NPHP4: variants seen among roughly 807,000 people sequenced by gnomAD.
NPHP4 encodes nephrocystin-4.
NPHP4 carries 151 observed loss-of-function variants against 155.8 expected under a neutral mutation model. The ratio of observed to expected loss-of-function variants is 0.97; its 90% confidence interval spans 0.85 to 1.11. The LOEUF is 1.11. Among genes scored for constraint, NPHP4 ranks in the 50% least tolerant of loss-of-function variants. NPHP4 has a pLI of 0.00. For missense variants in NPHP4, 1,956 were observed against 1,925.7 expected (o/e 1.02, Z -0.29); for synonymous variants, 845 against 816.8 (o/e 1.03, Z -0.59).
intron 2 of NPHP4, among the ~76,000 whole-genome samples, chr1:5,981,425 A>C (rs777094674): frequency 6.6e-6 from 1 of 152,218 alleles, no homozygotes; most frequent in Non-Finnish European, 1.5e-5. Context: ...AGCTGAACTG[A>C]AATACTCATC....
chr1:5,907,321 C>G (rs1371198025), intron 12 of NPHP4, 99 bp from the exon 13 acceptor site: 1 of 697,796 alleles, frequency 1.4e-6, no homozygotes, highest in Non-Finnish European at 2.3e-6. Context: ...CGGGGTAGCC[C>G]TGGATCCAGC....
chr1:5,879,042 T>C (rs761917478), intron 19 of NPHP4, among the ~76,000 whole-genome samples: 4 of 152,228 alleles, frequency 2.6e-5, no homozygotes, highest in Non-Finnish European at 5.9e-5. Context: ...GCCTGGATCA[T>C]GAATCCCTTT....
chr1:5,881,468 C>G (rs1278333704), intron 18 of NPHP4: 1 of 152,234 alleles, frequency 6.6e-6, no homozygotes, highest in Non-Finnish European at 1.5e-5. Flanking sequence ...GGGAACAGCG[C>G]CTGGATTTTG....
At chr1:5,873,367 G>A in intron 22 of NPHP4, 32 bp from the exon 23 acceptor site, 6 of 1,576,404 alleles carry the variant, frequency 3.8e-6, no homozygotes, top group Non-Finnish European at 5.2e-6. Flanking sequence ...AGCAGGTCAG[G>A]AAGCAACACC....
chr1:5,976,804 A>C lies in NPHP4; in HGVS notation c.279+1466T>G, dbSNP rs151164872. 5.3e-3 allele frequency among the ~76,000 whole-genome samples: 812 copies of C among 152,306 alleles called. 9 individuals carry two copies. The highest frequency in any genetic ancestry group is 0.018 in the African/African-American group (737 of 41,564). ...AGGACCCATCCATGTCAAGACACAC[A>C]TAATCCAAGCGCTGGGTGATGGTGG... On this transcript the variant is annotated intron_variant, in intron 3 of 29. Coordinates refer to ENST00000378156, the MANE Select transcript of NPHP4 (RefSeq NM_015102.5).
intron 6 of NPHP4, among the ~76,000 whole-genome samples, chr1:5,959,886 A>G (rs565642105): frequency 6.6e-6 from 1 of 152,304 alleles, no homozygotes; most frequent in African/African-American, 2.4e-5. Flanking sequence ...GAAGATCAGT[A>G]TCAACTAGGC....
At chr1:5,895,298 G>A (rs768707275) in intron 16 of NPHP4, among the ~76,000 whole-genome samples, 3 of 151,068 alleles carry the variant, frequency 2.0e-5, no homozygotes, top group East Asian at 2.0e-4. Context: ...AAACCTGCAC[G>A]TTGGGCACGT....
At chr1:5,921,744 T>C (rs1645750530) in intron 11 of NPHP4, among the ~76,000 whole-genome samples, 1 of 152,250 alleles carries the variant, frequency 6.6e-6, no homozygotes, top group Non-Finnish European at 1.5e-5. Flanking sequence ...CTTTCTATAA[T>C]CTTTCCTCTT....
rs1328288869 is a variant in NPHP4 at position 5,910,876 on chromosome 1, G to A, written c.1442-1663C>T. 6.6e-6 allele frequency among the ~76,000 whole-genome samples: 1 copy of A among 152,216 alleles called. No homozygotes were observed. Among genetic ancestry groups the A allele is most frequent in the Non-Finnish European group, 1.5e-5 (1 of 68,032 alleles). On this transcript the variant is annotated intron_variant, in intron 11 of 29. Transcript: ENST00000378156. The surrounding 1 kb of genome is among the most constrained non-coding windows in gnomAD (Gnocchi z 5.4). ...GCTAAGGGCCTGTGGATGGGTGGAA[G>A]GCATTGGGGCAAGGCCAGAGGGAGC... is the stretch of plus-strand genomic sequence containing the variant.
intron 6 of NPHP4, among the ~76,000 whole-genome samples, chr1:5,958,370 C>T (rs1001886214): frequency 2.6e-5 from 4 of 151,966 alleles, no homozygotes; most frequent in Admixed American, 2.0e-4. Context: ...CTGGGCAACA[C>T]GGAGAAACCC....
intron 15 of NPHP4, 55 bp from the exon 16 acceptor site, chr1:5,904,859 G>A: frequency 6.4e-7 from 1 of 1,551,596 alleles, no homozygotes; most frequent in South Asian, 1.1e-5. Context: ...AGAACCTGAG[G>A]GGTCTAATGT....
intron 16 of NPHP4, among the ~76,000 whole-genome samples, chr1:5,897,429 C>A (rs914232581): frequency 3.9e-5 from 6 of 152,198 alleles, no homozygotes; most frequent in Non-Finnish European, 8.8e-5. Context: ...GTCTGACATT[C>A]GCGCCTCCTG....
intron 5 of NPHP4, among the ~76,000 whole-genome samples, chr1:5,963,386 A>G (rs1650723641): frequency 6.6e-6 from 1 of 152,052 alleles, no homozygotes; most frequent in South Asian, 2.1e-4. Flanking sequence ...CGGAGATTCC[A>G]TCTCAAAATA....
At chr1:5,863,478 T>C (rs572722458) in intron 29 of NPHP4, 73 bp from the exon 30 acceptor site, 136 of 1,549,070 alleles carry the variant, frequency 8.8e-5, no homozygotes, top group Admixed American at 3.6e-4. Context: ...CCTCTCTGCA[T>C]GGTCGTGTTT....
chr1:5,947,956 C>A, intron 8 of NPHP4, 114 bp downstream of exon 8: 1 of 797,632 alleles, frequency 1.3e-6, no homozygotes, highest in Non-Finnish European at 2.1e-6. Flanking sequence ...AGGAAAGAAA[C>A]ACAAGGAAGA....
chr1:5,944,117 A>G lies in NPHP4; in HGVS notation c.1119+2987T>C, dbSNP rs1232287991. ...CTGGAATTTGTTTCAGAATAATTCA[A>G]AACGGGTTGTGGGAGAGGACATAGA... On this transcript the variant is annotated intron_variant, in intron 9 of 29. Transcript: ENST00000378156. This position sits in a 1 kb window ranked among gnomAD's most constrained non-coding sequence, Gnocchi z 4.3. Among the ~76,000 whole-genome samples, 1 of 152,258 alleles carries G rather than the reference A, an allele frequency of 6.6e-6. No individual in the cohort carries two copies. Among genetic ancestry groups the G allele is most frequent in the Non-Finnish European group, 1.5e-5 (1 of 68,048 alleles).
rs1652080125 is a variant in NPHP4 at position 5,969,105 on chromosome 1, G to A, written c.434C>T (p.Ser145Phe). 6.4e-7 allele frequency: 1 copy of A among 1,550,538 alleles called. No homozygotes were observed. Residue 145 changes from serine to phenylalanine, a missense_variant, in exon 4 of 30, where the codon TCT (serine) becomes TTT (phenylalanine). Coordinates refer to ENST00000378156, the MANE Select transcript of NPHP4 (RefSeq NM_015102.5). The stretch of plus-strand genomic sequence containing the variant: ...CAGGTACCTTTTGTCCTGGGAAGCA[G>A]AGATAGGAGAGTCCGGCTGGTTGCT... ...IFSNQPDSPI[S>F]ASQDKRLRLY...
At chr1:5,960,455 C>T (rs1005815062) in intron 6 of NPHP4, among the ~76,000 whole-genome samples, 2 of 152,108 alleles carry the variant, frequency 1.3e-5, no homozygotes, top group East Asian at 3.9e-4. Flanking sequence ...GGACCTGCGC[C>T]GGAGCCGAGC....
chr1:5,916,163 T>C (rs1388159636), intron 11 of NPHP4, among the ~76,000 whole-genome samples: 1 of 152,190 alleles, frequency 6.6e-6, no homozygotes, highest in Non-Finnish European at 1.5e-5. Flanking sequence ...AAATAAAGAC[T>C]GAGTGCCCTC....
Sources: allele counts gnomAD v4.1 joint callset (sites outside exome capture counted in the v4.1 genomes callset), GRCh38; gene constraint gnomAD v4.1.1; non-coding constraint Gnocchi (gnomAD v3.1); transcripts MANE v1.5; gene names NCBI Gene and HGNC (gene_info 2026-07-23, HGNC 2026-07-21).